Variants in DCDC1 observed in about 807,000 individuals in gnomAD.
DCDC1 encodes doublecortin domain-containing protein 1.
Under a neutral mutation model 178.3 loss-of-function variants are expected in DCDC1, and 200 were observed. The ratio of observed to expected loss-of-function variants is 1.12; its 90% CI spans 1.00 to 1.26. DCDC1 has a LOEUF of 1.26. Among genes scored for constraint, DCDC1 ranks in the 50% most tolerant of loss-of-function variants. The pLI is 0.00. For missense variants in DCDC1, 1,983 were observed against 1,749.2 expected (o/e 1.13, Z -2.38); for synonymous variants, 690 against 604.8 (o/e 1.14, Z -2.07).
intron 21 of DCDC1, chr11:30,944,461 C>T (rs1274975605): frequency 5.7e-6 from 2 of 350,228 alleles, no homozygotes; most frequent in Non-Finnish European, 1.1e-5. Flanking sequence ...ATGAGTGTCA[C>T]ATTTCCTAAT....
chr11:31,011,175 AT>A (rs1158639719), intron 20 of DCDC1, among the ~76,000 whole-genome samples: 2 of 152,176 alleles, frequency 1.3e-5, no homozygotes, highest in Non-Finnish European at 2.9e-5. Flanking sequence ...ATTAAAAAAA[AT>A]CTCTATCCCG....
chr11:31,325,273 T>C (rs1394572609), intron 3 of DCDC1, among the ~76,000 whole-genome samples: 1 of 152,128 alleles, frequency 6.6e-6, no homozygotes, highest in Non-Finnish European at 1.5e-5. Context: ...GATTCTGTCA[T>C]CCATGTCTCC....
chr11:30,940,475 C>A (rs1260760048), intron 21 of DCDC1, among the ~76,000 whole-genome samples: 3 of 152,096 alleles, frequency 2.0e-5, no homozygotes, highest in Admixed American at 6.6e-5. Flanking sequence ...GGAAATAGAT[C>A]TGAAACTGAT....
chr11:31,324,316 A>T (rs967906922), intron 3 of DCDC1, among the ~76,000 whole-genome samples: 3 of 152,080 alleles, frequency 2.0e-5, no homozygotes, highest in Admixed American at 2.0e-4. Flanking sequence ...CAAAGGAAAA[A>T]AAAAAGGTTT....
intron 38 of DCDC1, among the ~76,000 whole-genome samples, chr11:30,874,697 C>A (rs1941955639): frequency 6.6e-6 from 1 of 152,170 alleles, no homozygotes; most frequent in Admixed American, 6.5e-5. Flanking sequence ...AACACAGCTT[C>A]CAGTGGTGGC....
chr11:30,902,573 A>G (rs1353346076), intron 32 of DCDC1, among the ~76,000 whole-genome samples: 1 of 152,186 alleles, frequency 6.6e-6, no homozygotes, highest in East Asian at 1.9e-4. Context: ...TACAAATAGT[A>G]AAATATGTAC....
chr11:31,200,586 A>C (rs951437249), intron 9 of DCDC1, among the ~76,000 whole-genome samples: 1 of 152,096 alleles, frequency 6.6e-6, no homozygotes, highest in African/African-American at 2.4e-5. Flanking sequence ...TGTAAAAATT[A>C]ATAAGTTAGA....
intron 8 of DCDC1, among the ~76,000 whole-genome samples, chr11:31,242,434 A>G (rs1465240142): frequency 6.6e-6 from 1 of 151,986 alleles, no homozygotes; most frequent in African/African-American, 2.4e-5. Flanking sequence ...TCCTCTGAAA[A>G]GCCAGAAATC....
intron 9 of DCDC1, among the ~76,000 whole-genome samples, chr11:31,139,757 T>C (rs1591185138): frequency 6.6e-6 from 1 of 150,974 alleles, no homozygotes; most frequent in East Asian, 1.9e-4. Context: ...GCACCACAGT[T>C]GGAAAAAAAA....
chr11:31,184,453 T>C (rs1481689693), intron 9 of DCDC1, among the ~76,000 whole-genome samples: 1 of 151,940 alleles, frequency 6.6e-6, no homozygotes, highest in Non-Finnish European at 1.5e-5. Context: ...CTAATTAAAC[T>C]AAAGAGCTTC....
At position 31,127,601 on chromosome 11, in the gene DCDC1, T is replaced by C. The variant is rs1961827624; in HGVS notation, c.1353A>G (p.Lys451=). Residue 451 remains lysine (K), a synonymous_variant, in exon 11 of 39, where the codon AAA becomes AAG. Transcript: ENST00000684477. The stretch of plus-strand genomic sequence containing the variant: ...GTTTACAGAGATGACCTATGTTACT[T>C]TTGATAGCTGTCTGCAATTCATCAA... ...RLIDELQTAI[K]SNIGHLCKLG... The C allele has an allele frequency of 1.4e-6, 1 of 702,502 alleles. No individual in the cohort carries two copies. Among genetic ancestry groups the C allele is most frequent in the African/African-American group, 1.7e-5 (1 of 57,216 alleles). The allele number at this position is 702,502 out of a possible 1,614,324, so 43.5% of individuals were successfully genotyped here. A position where few individuals can be genotyped will look rare whatever the true frequency, so the allele number is the denominator to read the frequency against.
intron 6 of DCDC1, among the ~76,000 whole-genome samples, 169 bp downstream of exon 6, chr11:31,305,446 A>C (rs1435653313): frequency 6.6e-6 from 1 of 152,212 alleles, no homozygotes; most frequent in Non-Finnish European, 1.5e-5. Context: ...CGTGGCTGTC[A>C]GTGGATTTTT....
intron 36 of DCDC1, among the ~76,000 whole-genome samples, chr11:30,884,080 G>C (rs1186401153): frequency 8.2e-6 from 1 of 121,650 alleles, no homozygotes; most frequent in Non-Finnish European, 1.6e-5. Flanking sequence ...ACCTAGGCTG[G>C]AGTGCAGTGG....
intron 18 of DCDC1, among the ~76,000 whole-genome samples, chr11:31,069,415 G>A (rs974872409): frequency 5.3e-5 from 8 of 151,972 alleles, no homozygotes; most frequent in East Asian, 1.9e-4. Context: ...ATTGTCTTAG[G>A]TACATTCAAG....
At chr11:30,881,109 A>T (rs1942621580) in intron 37 of DCDC1, 49 bp downstream of exon 37, 1 of 1,598,966 alleles carries the variant, frequency 6.3e-7, no homozygotes, top group African/African-American at 1.3e-5. Context: ...AGAAGATTGA[A>T]TGCTTTAATT....
rs1460573569 is a variant in DCDC1 at position 31,064,537 on chromosome 11, C to CG, written c.2522_2523insC (p.Glu841AspfsTer19). The CG allele has an allele frequency of 1.3e-6, 1 of 766,000 alleles. No individual in the cohort carries two copies. Among genetic ancestry groups the CG allele is most frequent in the Non-Finnish European group, 2.4e-6 (1 of 417,600 alleles). The allele number at this position is 766,000 out of a possible 1,614,324, so 47.5% of individuals were successfully genotyped here. ...CCAGTGCTACTGTCAGCTCCCCCGT[C>CG]TCCTCAAGAGAACCTTCTGGCATTA... is the stretch of plus-strand genomic sequence containing the variant. On this transcript the variant is annotated frameshift_variant, in exon 20 of 39. Transcript: ENST00000684477. LOFTEE classifies it high-confidence loss of function.
intron 21 of DCDC1, among the ~76,000 whole-genome samples, chr11:30,941,503 C>G (rs1440534516): frequency 6.6e-6 from 1 of 152,148 alleles, no homozygotes; most frequent in Non-Finnish European, 1.5e-5. Flanking sequence ...TCCTGGCATG[C>G]TATTTTCCTA....
intron 20 of DCDC1, among the ~76,000 whole-genome samples, chr11:31,009,314 G>A (rs938578453): frequency 6.6e-6 from 1 of 152,094 alleles, no homozygotes; most frequent in Non-Finnish European, 1.5e-5. Context: ...TTATTGATAA[G>A]CTTAGAAGTC....
At position 31,064,635 on chromosome 11, in the gene DCDC1, T is replaced by C. The variant is rs761012342; in HGVS notation, c.2434-9A>G. ...GCACTTTCTTGCAGAACCTAATAAA[T>C]GAAATATAGGAATCATGTAGCTAAT... On this transcript the variant is annotated splice_polypyrimidine_tract_variant and intron_variant, in intron 19 of 38. Transcript: ENST00000684477. 11 of 765,044 alleles carry C rather than the reference T, an allele frequency of 1.4e-5. No homozygotes were observed. The Admixed American group carries it at 1.7e-4, about 12-fold the overall frequency. The allele number at this position is 765,044 out of a possible 1,614,324, so 47.4% of individuals were successfully genotyped here. A position where few individuals can be genotyped will look rare whatever the true frequency, so the allele number is the denominator to read the frequency against.
Sources: gnomAD v4.1 joint callset for allele counts (sites outside exome capture counted in the v4.1 genomes callset) on GRCh38, gnomAD v4.1.1 for gene constraint, MANE v1.5 for transcripts, NCBI Gene and HGNC (gene_info 2026-07-23, HGNC 2026-07-21) for gene names.